SRGAP1: variants seen among roughly 807,000 people sequenced by gnomAD.
SRGAP1 encodes SLIT-ROBO Rho GTPase activating protein 1, also known as SLIT-ROBO Rho GTPase-activating protein 1.
A neutral mutation model predicts 121.9 loss-of-function variants in SRGAP1; 43 were observed. The ratio of observed to expected loss-of-function variants is 0.35; its 90% CI spans 0.28 to 0.46. SRGAP1 has a LOEUF of 0.46. Among genes scored for constraint, SRGAP1 ranks in the 20% least tolerant of loss-of-function variants. The pLI, the probability that SRGAP1 is intolerant of heterozygous loss-of-function variation, is 1.00. For missense variants in SRGAP1, 1,102 were observed against 1,350.9 expected (o/e 0.82, Z 2.89); for synonymous variants, 447 against 485.4 (o/e 0.92, Z 1.04).
chr12:63,872,997 G>A (rs1009667977), intron 1 of SRGAP1, among the ~76,000 whole-genome samples: 1 of 152,142 alleles, frequency 6.6e-6, no homozygotes, highest in South Asian at 2.1e-4. Flanking sequence ...TATAGGAAAG[G>A]CTCCTGAAAT....
chr12:64,098,718 C>A (rs1183729578), intron 15 of SRGAP1, among the ~76,000 whole-genome samples: 1 of 152,084 alleles, frequency 6.6e-6, no homozygotes, highest in African/African-American at 2.4e-5. Context: ...ATGGCCAATT[C>A]ATATAATTGA....
At chr12:63,867,775 T>C (rs1899688863) in intron 1 of SRGAP1, among the ~76,000 whole-genome samples, 1 of 151,758 alleles carries the variant, frequency 6.6e-6, no homozygotes, top group Non-Finnish European at 1.5e-5. Context: ...AAAAAAATAA[T>C]TTAAAACTCA....
chr12:63,970,157 G>A (rs189686258), intron 1 of SRGAP1, among the ~76,000 whole-genome samples: 25 of 152,258 alleles, frequency 1.6e-4, no homozygotes, highest in Admixed American at 4.6e-4. Context: ...AGAGAGGAGT[G>A]TACTGTGTGG....
intron 21 of SRGAP1, among the ~76,000 whole-genome samples, chr12:64,136,791 A>G (rs1449600957): frequency 6.6e-6 from 1 of 152,210 alleles, no homozygotes; most frequent in Non-Finnish European, 1.5e-5. Flanking sequence ...ACAACCAGCA[A>G]TATTTTACTA....
intron 10 of SRGAP1, among the ~76,000 whole-genome samples, chr12:64,083,881 A>G (rs985649995): frequency 4.6e-5 from 7 of 152,354 alleles, no homozygotes; most frequent in Admixed American, 1.3e-4. Context: ...GTTTCTGACA[A>G]AGGAATTTAA....
chr12:64,024,234 G>A (rs1167826557), intron 4 of SRGAP1, among the ~76,000 whole-genome samples: 1 of 152,122 alleles, frequency 6.6e-6, no homozygotes, highest in Non-Finnish European at 1.5e-5. Context: ...TTCAAGACCA[G>A]CCTGGGCAAC....
At chr12:63,917,809 C>T (rs545553152) in intron 1 of SRGAP1, among the ~76,000 whole-genome samples, 6 of 151,160 alleles carry the variant, frequency 4.0e-5, no homozygotes, top group African/African-American at 1.2e-4. Context: ...TTCTGTAATT[C>T]TTGTACACAC....
chr12:63,884,058 G>A (rs1202306073), intron 1 of SRGAP1, among the ~76,000 whole-genome samples: 3 of 151,058 alleles, frequency 2.0e-5, no homozygotes, highest in African/African-American at 7.3e-5. Context: ...CTAGGCGGGC[G>A]GATCACTTGA....
At position 63,983,934 on chromosome 12, in the gene SRGAP1, C is replaced by T. The variant is rs763942204; in HGVS notation, c.68-13C>T. 6.9e-7 allele frequency: 1 copy of T among 1,456,232 alleles called. No individual in the cohort carries two copies. The highest frequency in any genetic ancestry group is 9.2e-7 in the Non-Finnish European group (1 of 1,090,612). The allele number at this position is 1,456,232 out of a possible 1,614,324, so 90.2% of individuals were successfully genotyped here. On this transcript the variant is annotated splice_polypyrimidine_tract_variant and intron_variant, in intron 1 of 21. Coordinates refer to ENST00000355086, the MANE Select transcript of SRGAP1 (RefSeq NM_020762.4). ...TTAATGTAACCATCCATTGGCTTCT[C>T]TTCTCTCCTTAGAAATTCGAGCTCA...
At chr12:63,947,271 A>G (rs1241885063) in intron 1 of SRGAP1, among the ~76,000 whole-genome samples, 2 of 152,170 alleles carry the variant, frequency 1.3e-5, no homozygotes, top group African/African-American at 2.4e-5. Flanking sequence ...TGAGAGTTAC[A>G]TTTGCCTTAC....
intron 1 of SRGAP1, among the ~76,000 whole-genome samples, chr12:63,900,560 C>T (rs1049743680): frequency 4.0e-5 from 6 of 151,850 alleles, no homozygotes; most frequent in Non-Finnish European, 7.4e-5. Flanking sequence ...CACCTGTAAT[C>T]GCAGCACTTT....
chr12:64,057,630 C>A (rs2035368087), intron 6 of SRGAP1, among the ~76,000 whole-genome samples: 1 of 151,978 alleles, frequency 6.6e-6, no homozygotes. Flanking sequence ...GAGTCTATAC[C>A]CAATATCCAT....
chr12:63,902,146 C>T (rs545659501), intron 1 of SRGAP1, among the ~76,000 whole-genome samples: 8 of 152,232 alleles, frequency 5.3e-5, no homozygotes, highest in East Asian at 1.9e-4. Context: ...GAAACCCCAT[C>T]GCTATTAAAA....
intron 8 of SRGAP1, among the ~76,000 whole-genome samples, chr12:64,070,833 C>G (rs2035623749): frequency 1.3e-5 from 2 of 152,092 alleles, no homozygotes; most frequent in Non-Finnish European, 2.9e-5. Context: ...CACATTTTCC[C>G]CCCAAATTTC....
At chr12:63,950,397 T>G (rs2032248004) in intron 1 of SRGAP1, among the ~76,000 whole-genome samples, 2 of 152,186 alleles carry the variant, frequency 1.3e-5, no homozygotes, top group Admixed American at 1.3e-4. Flanking sequence ...TCTCCCTCTT[T>G]AAGGAATTGT....
intron 15 of SRGAP1, among the ~76,000 whole-genome samples, chr12:64,107,916 A>G (rs1319038491): frequency 6.6e-6 from 1 of 152,210 alleles, no homozygotes. Context: ...AAAGGCAACC[A>G]GACTTATGAA....
chr12:64,120,079 T>C (rs1422359626), intron 18 of SRGAP1, among the ~76,000 whole-genome samples: 1 of 152,148 alleles, frequency 6.6e-6, no homozygotes. Flanking sequence ...CCTTTAAATA[T>C]TATTTCTTTC....
At chr12:64,107,931 A>AAAACAGACTTGTG (rs1394596056) in intron 15 of SRGAP1, among the ~76,000 whole-genome samples, 1 of 152,166 alleles carries the variant, frequency 6.6e-6, no homozygotes, top group Non-Finnish European at 1.5e-5. Flanking sequence ...TATGAAACAG[A>AAAACAGACTTGTG]AAACAGACTT....
intron 12 of SRGAP1, among the ~76,000 whole-genome samples, chr12:64,093,551 C>T (rs1462416035): frequency 6.6e-6 from 1 of 151,986 alleles, no homozygotes; most frequent in Non-Finnish European, 1.5e-5. Flanking sequence ...GATTAGTGTT[C>T]CATGAATTGT....
Sources: gnomAD v4.1 joint callset for allele counts (sites outside exome capture counted in the v4.1 genomes callset) on GRCh38, gnomAD v4.1.1 for gene constraint, MANE v1.5 for transcripts, NCBI Gene and HGNC (gene_info 2026-07-23, HGNC 2026-07-21) for gene names.